Variants in WASHC5 observed in about 807,000 individuals in gnomAD.
WASHC5 encodes the protein WASH complex subunit 5.
Under a neutral mutation model 150.4 loss-of-function variants are expected in WASHC5, and 101 were observed. The observed-to-expected ratio is 0.67, with a 90% confidence interval of 0.57 to 0.79. The LOEUF (loss-of-function observed/expected upper bound fraction) is 0.79. WASHC5 is among the 30% of genes least tolerant of loss of function. The pLI is 0.00. For synonymous variants in WASHC5, 467 were observed against 491.2 expected, an observed-to-expected ratio of 0.95 and a Z score of 0.65; for missense variants, 1,195 against 1,396.3, an observed-to-expected ratio of 0.86 and a Z score of 2.30.
chr8:125,037,460 G>A, intron 25 of WASHC5, 127 bp from the exon 26 acceptor site: 1 of 698,344 alleles, frequency 1.4e-6, no homozygotes, highest in East Asian at 2.7e-5. Context: ...AATGTGGATG[G>A]TTCCATTAAT....
At position 125,075,095 on chromosome 8, in the gene WASHC5, A is replaced by G; in HGVS notation, c.881T>C (p.Met294Thr). 6.2e-7 allele frequency: 1 copy of G among 1,602,132 alleles called. No individual in the cohort carries two copies. Among genetic ancestry groups the G allele is most frequent in the Non-Finnish European group, 8.6e-7 (1 of 1,169,282 alleles). ...FPDNWVISIYMGITVNLVDAW... is the reference protein window; with the variant it reads ...FPDNWVISIYTGITVNLVDAW... ...ATCTACTAGATTAACTGTGATCCCC[A>G]TGTAAATACTAATTACCTGAAAGAG... The change falls in exon 8 of 29, where the codon ATG (methionine) becomes ACG (threonine). Residue 294 changes from methionine to threonine, a missense_variant. Met to Thr is a moderately conservative substitution (Grantham distance 81). Around this residue, in one of 3 missense-constraint regions of WASHC5, gnomAD observed 997 missense variants for 1,168.1 expected, o/e 0.85. Transcript: ENST00000318410.
chr8:125,035,942 A>T (rs1355204774), intron 26 of WASHC5, among the ~76,000 whole-genome samples: 2 of 152,240 alleles, frequency 1.3e-5, no homozygotes, highest in Non-Finnish European at 2.9e-5. Context: ...TAAAAATGTC[A>T]TTTAGCTGGA....
At chr8:125,076,274 G>C in intron 7 of WASHC5, 74 bp downstream of exon 7, 1 of 1,422,922 alleles carries the variant, frequency 7.0e-7, no homozygotes, top group African/African-American at 1.4e-5. Flanking sequence ...CAACCTGTGG[G>C]TTAAAGGCCA....
chr8:125,026,523 T>C (rs1815383503), intron 28 of WASHC5, among the ~76,000 whole-genome samples: 1 of 152,166 alleles, frequency 6.6e-6, no homozygotes, highest in Non-Finnish European at 1.5e-5. Flanking sequence ...TTGCCTAAAA[T>C]TTCGGCTAAT....
At chr8:125,043,186 G>A (rs971341243) in intron 23 of WASHC5, among the ~76,000 whole-genome samples, 9 of 152,202 alleles carry the variant, frequency 5.9e-5, no homozygotes, top group Admixed American at 3.9e-4. Context: ...AGAATGGGCT[G>A]TGATGATCTC....
chr8:125,030,617 G>T (rs1197169770), intron 27 of WASHC5, among the ~76,000 whole-genome samples: 1 of 133,266 alleles, frequency 7.5e-6, no homozygotes, highest in Non-Finnish European at 1.5e-5. Flanking sequence ...CAACCTGGGC[G>T]ACAGAGCGAC....
intron 7 of WASHC5, 21 bp downstream of exon 7, chr8:125,076,327 A>C: frequency 6.2e-7 from 1 of 1,610,996 alleles, no homozygotes; most frequent in Non-Finnish European, 8.5e-7. Flanking sequence ...ACTGTAGAGG[A>C]AAAAAATTAG....
At chr8:125,028,343 C>A (rs927364320) in intron 28 of WASHC5, among the ~76,000 whole-genome samples, 6 of 152,176 alleles carry the variant, frequency 3.9e-5, no homozygotes, top group Non-Finnish European at 8.8e-5. Flanking sequence ...TCCTGGCTTG[C>A]CTATTTCACT....
chr8:125,027,866 C>T lies in WASHC5; in HGVS notation c.3423+754G>A, dbSNP rs146293736. On this transcript the variant is annotated intron_variant, in intron 28 of 28. Transcript: ENST00000318410. ...TTTCATTTCATTTCTTATTGTCTTG[C>T]ACCTGTATAACAAAAGTAGTTGCAA... Among the ~76,000 whole-genome samples, 15 of 152,268 alleles carry T rather than the reference C, an allele frequency of 9.9e-5. No individual in the cohort carries two copies. The East Asian group carries it at 2.7e-3, about 27-fold the overall frequency.
At chr8:125,051,135 C>T (rs1816226993) in intron 17 of WASHC5, among the ~76,000 whole-genome samples, 1 of 152,132 alleles carries the variant, frequency 6.6e-6, no homozygotes, top group Admixed American at 6.5e-5. Flanking sequence ...GAGGTCGGGC[C>T]ACTCTGTAAA....
chr8:125,076,553 G>T, intron 6 of WASHC5, 53 bp from the exon 7 acceptor site: 1 of 1,600,602 alleles, frequency 6.2e-7, no homozygotes. Flanking sequence ...TTTGCACGTA[G>T]ACATGCTCAA....
intron 5 of WASHC5, among the ~76,000 whole-genome samples, chr8:125,079,218 G>A (rs909157767): frequency 2.2e-5 from 2 of 91,890 alleles, no homozygotes; most frequent in Non-Finnish European, 3.9e-5. Flanking sequence ...TTGAGATGGT[G>A]TCTTGCTCTG....
chr8:125,039,774 G>A, intron 24 of WASHC5, 21 bp downstream of exon 24: 1 of 1,542,970 alleles, frequency 6.5e-7, no homozygotes, highest in African/African-American at 1.4e-5. Context: ...ACGGATGGCT[G>A]TTTCAAACCC....
rs1302694139 is a variant in WASHC5 at position 125,085,986 on chromosome 8, TA to T, written c.-124-1965del. 5.9e-5 allele frequency among the ~76,000 whole-genome samples: 9 copies of T among 152,272 alleles called. No homozygotes were observed. In the East Asian group the frequency reaches 1.7e-3, roughly 29 times the overall value. Reference sequence around the variant, plus strand: ...CTAGGGGCTTGGAAAGCAATCTGATTATAATAATGTGGTAACTGGTTGCCAA... The same window carrying T: ...CTAGGGGCTTGGAAAGCAATCTGATTTAATAATGTGGTAACTGGTTGCCAA... On this transcript the variant is annotated intron_variant, in intron 1 of 28. Coordinates refer to ENST00000318410, the MANE Select transcript of WASHC5 (RefSeq NM_014846.4).
At chr8:125,075,978 C>T (rs1817048271) in intron 7 of WASHC5, among the ~76,000 whole-genome samples, 1 of 152,104 alleles carries the variant, frequency 6.6e-6, no homozygotes, top group Non-Finnish European at 1.5e-5. Flanking sequence ...AAGTGAAATT[C>T]CTATTCACAA....
At chr8:125,056,851 A>T (rs1816422656) in intron 15 of WASHC5, 34 bp from the exon 16 acceptor site, 6 of 1,613,888 alleles carry the variant, frequency 3.7e-6, no homozygotes, top group East Asian at 2.2e-5. Flanking sequence ...AACGCAATGA[A>T]CATCTGTTTT....
intron 23 of WASHC5, among the ~76,000 whole-genome samples, chr8:125,043,514 G>T (rs1189420088): frequency 6.6e-6 from 1 of 152,138 alleles, no homozygotes; most frequent in African/African-American, 2.4e-5. Flanking sequence ...TATGTAAAAA[G>T]GGAGTATTAC....
chr8:125,075,299 C>T (rs994114504), intron 7 of WASHC5, among the ~76,000 whole-genome samples, 188 bp from the exon 8 acceptor site: 2 of 152,114 alleles, frequency 1.3e-5, no homozygotes, highest in Admixed American at 6.5e-5. Context: ...TGTTAATTCA[C>T]GTTAATAGGT....
intron 23 of WASHC5, 134 bp from the exon 24 acceptor site, chr8:125,040,032 T>A: frequency 1.4e-6 from 1 of 700,096 alleles, no homozygotes; most frequent in Non-Finnish European, 2.6e-6. Context: ...AAGGATTTCC[T>A]GAACTGATCT....
Sources: gnomAD v4.1 joint callset for allele counts (sites outside exome capture counted in the v4.1 genomes callset) on GRCh38, gnomAD v4.1.1 for gene constraint, gnomAD v4.1.1 regional missense constraint, MANE v1.5 for transcripts, NCBI Gene and HGNC (gene_info 2026-07-23, HGNC 2026-07-21) for gene names.